BCLAF1: variants seen among roughly 807,000 people sequenced by gnomAD.
BCLAF1 encodes the protein bcl-2-associated transcription factor 1.
A neutral mutation model predicts 99.5 loss-of-function variants in BCLAF1; 10 were observed. The observed-to-expected ratio is 0.10, with a 90% CI of 0.06 to 0.17. The LOEUF is 0.17. BCLAF1 is among the 10% of genes least tolerant of loss of function. BCLAF1 has a pLI of 1.00. For missense variants in BCLAF1, 636 were observed against 1,105.8 expected, an observed-to-expected ratio of 0.58 and a Z score of 6.02; for synonymous variants, 255 against 370.9, an observed-to-expected ratio of 0.69 and a Z score of 3.59.
At chr6:136,286,129 T>C (rs921568524) in intron 1 of BCLAF1, among the ~76,000 whole-genome samples, 22 of 152,102 alleles carry the variant, frequency 1.4e-4, no homozygotes, top group Non-Finnish European at 2.9e-4. Flanking sequence ...GTAACTGGGT[T>C]CAACAAAATA....
chr6:136,286,665 C>G (rs903096578), intron 1 of BCLAF1, among the ~76,000 whole-genome samples: 6 of 152,158 alleles, frequency 3.9e-5, no homozygotes, highest in African/African-American at 1.4e-4. Context: ...AGAAGTCTTT[C>G]TAGACATGCT....
intron 4 of BCLAF1, among the ~76,000 whole-genome samples, chr6:136,277,503 AGAG>A (rs758624315): frequency 6.7e-4 from 101 of 151,324 alleles, no homozygotes; most frequent in Non-Finnish European, 1.3e-3. Flanking sequence ...GGTAAAATTA[AGAG>A]GAGGGATAGA....
At chr6:136,283,568 T>G (rs1784665632) in intron 1 of BCLAF1, among the ~76,000 whole-genome samples, 1 of 152,182 alleles carries the variant, frequency 6.6e-6, no homozygotes, top group African/African-American at 2.4e-5. Context: ...GTGCAAAGGA[T>G]AGTCAAAAGC....
chr6:136,271,388 T>C (rs572019896), intron 8 of BCLAF1, among the ~76,000 whole-genome samples: 3 of 151,960 alleles, frequency 2.0e-5, no homozygotes, highest in Non-Finnish European at 2.9e-5. Flanking sequence ...CAAGAGTATA[T>C]TGGAGACCCC....
intron 1 of BCLAF1, among the ~76,000 whole-genome samples, chr6:136,284,128 G>GTA (rs1242722909): frequency 0.015 from 1,239 of 81,252 alleles, 34 homozygotes; most frequent in African/African-American, 0.052. Flanking sequence ...GTGTGTGTGT[G>GTA]TGTATATATA....
rs1318802501 is a variant in BCLAF1 at position 136,277,777 on chromosome 6, C to T, written c.1016+88G>A. On this transcript the variant is annotated intron_variant, in intron 4 of 12. Transcript: ENST00000531224. ...AAGAGTAAAAACCGCTAGTTAAATA[C>T]ATATCACAATTTTACGTTTATAATT... is the stretch of plus-strand genomic sequence containing the variant. 6 of 1,439,376 alleles carry T rather than the reference C, an allele frequency of 4.2e-6. No individual in the cohort carries two copies. In the Admixed American group the frequency reaches 1.5e-4, roughly 36 times the overall value. The allele number at this position is 1,439,376 out of a possible 1,614,324, so 89.2% of individuals were successfully genotyped here. A position where few individuals can be genotyped will look rare whatever the true frequency, so the allele number is the denominator to read the frequency against.
chr6:136,268,017 ACAC>A, intron 10 of BCLAF1, 142 bp downstream of exon 10: 1 of 787,026 alleles, frequency 1.3e-6, no homozygotes, highest in Non-Finnish European at 1.8e-6. Flanking sequence ...AGCACTTCAA[ACAC>A]CACTTCATGT....
chr6:136,272,597 C>A (rs797558), intron 7 of BCLAF1, among the ~76,000 whole-genome samples: 1 of 151,694 alleles, frequency 6.6e-6, no homozygotes, highest in African/African-American at 2.4e-5. Context: ...TCACTGCCAC[C>A]CTGCAAAACT....
intron 1 of BCLAF1, 49 bp downstream of exon 1, chr6:136,289,664 C>T (rs1405344162): frequency 6.6e-6 from 1 of 152,602 alleles, no homozygotes; most frequent in Non-Finnish European, 1.5e-5. Flanking sequence ...ATGGCCTGTC[C>T]TCGGTCTTCA....
At chr6:136,269,741 T>A in intron 8 of BCLAF1, 129 bp from the exon 9 acceptor site, 1 of 590,440 alleles carries the variant, frequency 1.7e-6, no homozygotes, top group Non-Finnish European at 2.6e-6. Context: ...TAATGAATCA[T>A]ATAAGATACT....
In BCLAF1 at chr6:136,258,164, CT is replaced by C. The variant is rs940539340; in HGVS notation, c.*2945del. 6.6e-6 allele frequency: 1 copy of C among 150,816 alleles called. No homozygotes were observed. The highest frequency in any genetic ancestry group is 1.5e-5 in the Non-Finnish European group (1 of 67,036). The allele number at this position is 150,816 out of a possible 1,614,324, so 9.3% of individuals were successfully genotyped here. On this transcript the variant is annotated 3_prime_UTR_variant, in exon 13 of 13. Coordinates refer to ENST00000531224, the MANE Select transcript of BCLAF1 (RefSeq NM_014739.3). ...GCACATGGTAAGAATTATACCACAT[CT>C]TACTTAAAGTGAATGAAAAGACAAT...
At position 136,276,217 on chromosome 6, in the gene BCLAF1, G is replaced by T. The variant is rs773751783; in HGVS notation, c.1308C>A (p.Leu436=). The change falls in exon 5 of 13, where the codon CTC becomes CTA. Residue 436 remains leucine (L), a synonymous_variant. Coordinates refer to ENST00000531224, the MANE Select transcript of BCLAF1 (RefSeq NM_014739.3). ...TCAGTGAAACTTTGGACTTGTACTT[G>T]AGTCCTTCCTCCTCAGTATTCCGGT... ...ASHRNTEEEG[L]KYKSKVSLKG... is the part of the protein sequence containing the mutation. 1 of 1,605,952 alleles carries T rather than the reference G, an allele frequency of 6.2e-7. No individual in the cohort carries two copies. Among genetic ancestry groups the T allele is most frequent in the East Asian group, 2.2e-5 (1 of 44,774 alleles).
intron 8 of BCLAF1, 28 bp from the exon 9 acceptor site, chr6:136,269,640 T>C (rs1474775844): frequency 6.5e-7 from 1 of 1,531,478 alleles, no homozygotes; most frequent in East Asian, 2.3e-5. Context: ...AAAATACAGA[T>C]TTCAGGGGAG....
Position 136,273,175 on chromosome 6 carries a change from T to C in BCLAF1, c.1865A>G (p.Lys622Arg), listed in dbSNP as rs993850663. Residue 622 changes from lysine to arginine, a missense_variant, in exon 7 of 13, where the codon AAG becomes AGG. This residue lies in a region of BCLAF1 where 180 missense variants were observed against 270.0 expected (regional missense o/e 0.67). Coordinates refer to ENST00000531224, the MANE Select transcript of BCLAF1 (RefSeq NM_014739.3). ...CTCGTTTAGGGTCATTGCAGCTGAC[T>C]TGAAGTATTGCTCTGTTGATTTAGA... ...LVHHVKEQYF[K>R]SAAMTLNERF... The C allele has an allele frequency of 3.1e-6, 5 of 1,611,584 alleles. No homozygotes were observed. Among genetic ancestry groups the C allele is most frequent in the African/African-American group, 2.7e-5 (2 of 74,794 alleles).
In BCLAF1 at chr6:136,268,296, A is replaced by C. The variant is rs1039138299; in HGVS notation, c.2263T>G (p.Ser755Ala). The C allele has an allele frequency of 6.2e-7, 1 of 1,607,756 alleles. No homozygotes were observed. The highest frequency in any genetic ancestry group is 8.5e-7 in the Non-Finnish European group (1 of 1,177,568). ...EQDHSRSSSS[S>A]ASPSSPSSRE... ...GAACTGGGAGAAGAAGGTGATGCTGAAGAGGATGAAGATCGAGAATGATCT... is the reference window on the plus strand; with the variant it reads ...GAACTGGGAGAAGAAGGTGATGCTGCAGAGGATGAAGATCGAGAATGATCT... The change falls in exon 10 of 13, where the codon TCA becomes GCA. Residue 755 changes from serine to alanine, a missense_variant. By Grantham distance (99) the Ser-to-Ala change is moderately conservative. Around this residue, in one of 9 missense-constraint regions of BCLAF1, gnomAD observed 180 missense variants for 270.0 expected, o/e 0.67. Coordinates refer to ENST00000531224, the MANE Select transcript of BCLAF1 (RefSeq NM_014739.3).
chr6:136,279,628 G>T, intron 3 of BCLAF1, 135 bp downstream of exon 3: 1 of 942,166 alleles, frequency 1.1e-6, no homozygotes, highest in Non-Finnish European at 1.4e-6. Context: ...TTACAATAAG[G>T]ATAACAATAG....
intron 9 of BCLAF1, 28 bp from the exon 10 acceptor site, chr6:136,268,367 G>A: frequency 6.4e-7 from 1 of 1,560,974 alleles, no homozygotes; most frequent in Non-Finnish European, 8.7e-7. Flanking sequence ...CAAAAAATGT[G>A]ATACTTTTAA....
chr6:136,268,669 G>A (rs1782084338), intron 9 of BCLAF1: 1 of 223,084 alleles, frequency 4.5e-6, no homozygotes, highest in South Asian at 5.8e-5. Flanking sequence ...GTAGGAAAAA[G>A]TAAGGATGTT....
chr6:136,257,039 A>G lies in BCLAF1; in HGVS notation c.*4071T>C, dbSNP rs191439770. The G allele has an allele frequency of 2.0e-5, 3 of 152,360 alleles. No individual in the cohort carries two copies. The highest frequency in any genetic ancestry group is 1.5e-5 in the Non-Finnish European group (1 of 68,028). The allele number at this position is 152,360 out of a possible 1,614,324, so 9.4% of individuals were successfully genotyped here. On this transcript the variant is annotated 3_prime_UTR_variant, in exon 13 of 13. Coordinates refer to ENST00000531224, the MANE Select transcript of BCLAF1 (RefSeq NM_014739.3). The stretch of plus-strand genomic sequence containing the variant: ...TTATTAAAGGCAGAGCTCATTATTA[A>G]TGAAATCTGGAAGCTGGCCAACCCC...
Sources: allele counts gnomAD v4.1 joint callset (sites outside exome capture counted in the v4.1 genomes callset), GRCh38; gene constraint gnomAD v4.1.1; regional missense constraint gnomAD v4.1.1; transcripts MANE v1.5; gene names NCBI Gene and HGNC (gene_info 2026-07-23, HGNC 2026-07-21).